The following SGCD variants were observed in gnomAD, a reference collection of about 807,000 sequenced individuals.
SGCD encodes the protein sarcoglycan delta.
A neutral mutation model predicts 36.6 loss-of-function variants in SGCD; 18 were observed. That is an observed-to-expected ratio of 0.49 (90% CI 0.34 to 0.73). The LOEUF (loss-of-function observed/expected upper bound fraction) is 0.73, where lower values mean the gene tolerates loss of function less well. Ranked by LOEUF, SGCD falls within the 30% of genes least tolerant of loss-of-function variation. SGCD has a pLI of 0.01. For missense variants in SGCD, 387 were observed against 346.7 expected (o/e 1.12, Z -0.92); for synonymous variants, 133 against 130.6 (o/e 1.02, Z -0.12).
intron 1 of SGCD, among the ~76,000 whole-genome samples, chr5:156,044,626 T>C (rs75778329): frequency 1.3e-3 from 198 of 152,264 alleles, no homozygotes; most frequent in African/African-American, 4.5e-3. Flanking sequence ...ACAGTGGAAA[T>C]TGGTGTAAGG....
chr5:156,529,730 A>G (rs1047562648), intron 4 of SGCD, among the ~76,000 whole-genome samples: 1 of 152,190 alleles, frequency 6.6e-6, no homozygotes, highest in Non-Finnish European at 1.5e-5. Context: ...CTTTTTTGCC[A>G]TATGAAATTA....
At chr5:156,486,121 C>T (rs190871783) in intron 3 of SGCD, among the ~76,000 whole-genome samples, 1 of 152,096 alleles carries the variant, frequency 6.6e-6, no homozygotes, top group Admixed American at 6.5e-5. Context: ...TATATCCTGC[C>T]CTGAGGCCCA....
intron 1 of SGCD, among the ~76,000 whole-genome samples, chr5:155,948,820 T>G (rs1757496936): frequency 6.6e-6 from 1 of 152,230 alleles, no homozygotes; most frequent in Admixed American, 6.5e-5. Context: ...GTATGGGGTC[T>G]TATTCCCTAT....
chr5:156,545,871 TA>T (rs1218867862), intron 4 of SGCD, among the ~76,000 whole-genome samples: 1 of 152,140 alleles, frequency 6.6e-6, no homozygotes, highest in East Asian at 1.9e-4. Context: ...GGACACAAAA[TA>T]AATGGAGTAG....
chr5:156,083,307 TC>T (rs1483186216), intron 1 of SGCD, among the ~76,000 whole-genome samples: 2 of 151,918 alleles, frequency 1.3e-5, no homozygotes, highest in Non-Finnish European at 1.5e-5. Flanking sequence ...TTTTTTTTTT[TC>T]TTTTTTTTGG....
intron 3 of SGCD, among the ~76,000 whole-genome samples, chr5:156,124,333 T>C (rs1223261958): frequency 6.6e-6 from 1 of 151,988 alleles, no homozygotes; most frequent in African/African-American, 2.4e-5. Flanking sequence ...GAAATGGGGG[T>C]AGATACTTAT....
At chr5:156,653,182 T>G (rs1370240778) in intron 7 of SGCD, among the ~76,000 whole-genome samples, 2 of 152,124 alleles carry the variant, frequency 1.3e-5, no homozygotes, top group African/African-American at 2.4e-5. Context: ...ACAGCTCTTC[T>G]TTGTACATCT....
chr5:156,622,435 A>AAATAATAAT (rs56979795), intron 6 of SGCD, among the ~76,000 whole-genome samples: 3,674 of 137,040 alleles, frequency 0.027, 53 homozygotes, highest in Non-Finnish European at 0.03. Context: ...TCTGTCTAAA[A>AAATAATAAT]AATAATAATA....
intron 1 of SGCD, among the ~76,000 whole-genome samples, chr5:155,931,282 TG>T (rs1757092992): frequency 6.6e-6 from 1 of 152,142 alleles, no homozygotes; most frequent in African/African-American, 2.4e-5. Context: ...TGAGTTCCAT[TG>T]GGGGTTATAA....
intron 3 of SGCD, among the ~76,000 whole-genome samples, chr5:156,124,637 C>A (rs1432770181): frequency 6.6e-6 from 1 of 151,984 alleles, no homozygotes; most frequent in Admixed American, 6.6e-5. Context: ...TATACACATA[C>A]AAAAACATGT....
intron 1 of SGCD, among the ~76,000 whole-genome samples, chr5:156,079,273 C>G (rs1760883755): frequency 6.6e-6 from 1 of 152,114 alleles, no homozygotes; most frequent in African/African-American, 2.4e-5. Context: ...CAAATCCCTC[C>G]CACCAGGCCC....
At chr5:156,081,581 A>G (rs1199191612) in intron 1 of SGCD, among the ~76,000 whole-genome samples, 1 of 152,028 alleles carries the variant, frequency 6.6e-6, no homozygotes, top group Non-Finnish European at 1.5e-5. Flanking sequence ...TTTACATTAA[A>G]CACCAAGTCT....
chr5:156,750,358 T>C (rs1443568262), intron 7 of SGCD, among the ~76,000 whole-genome samples: 1 of 152,116 alleles, frequency 6.6e-6, no homozygotes, highest in East Asian at 1.9e-4. Flanking sequence ...TGTATGGTTC[T>C]AGACAGTATA....
intron 2 of SGCD, among the ~76,000 whole-genome samples, chr5:156,336,275 T>C (rs1464560341): frequency 1.3e-5 from 2 of 152,208 alleles, no homozygotes; most frequent in Non-Finnish European, 2.9e-5. Flanking sequence ...TCTTGCTTCT[T>C]TGTGTTTCGT....
chr5:156,394,324 A>G (rs1050019731), intron 3 of SGCD, among the ~76,000 whole-genome samples: 9 of 152,238 alleles, frequency 5.9e-5, no homozygotes, highest in African/African-American at 2.2e-4. Flanking sequence ...TGATCTCTTC[A>G]GTACTTTGAA....
intron 1 of SGCD, among the ~76,000 whole-genome samples, chr5:156,052,888 C>T (rs1275676642): frequency 6.8e-6 from 1 of 146,148 alleles, no homozygotes; most frequent in Non-Finnish European, 1.5e-5. Context: ...GGGTTTTGCC[C>T]AGAGACTCAA....
At chr5:156,511,167 T>C (rs1756908324) in intron 4 of SGCD, among the ~76,000 whole-genome samples, 1 of 152,338 alleles carries the variant, frequency 6.6e-6, no homozygotes, top group East Asian at 1.9e-4. Flanking sequence ...ATAACTTTTT[T>C]TCAAAAATAG....
At chr5:156,719,401 T>TAC (rs372239782) in intron 7 of SGCD, among the ~76,000 whole-genome samples, 3,931 of 151,050 alleles carry the variant, frequency 0.026, 164 homozygotes, top group African/African-American at 0.091. Context: ...GATGTATATA[T>TAC]ACACACACAC....
At chr5:156,168,549 G>A (rs535599093) in intron 3 of SGCD, among the ~76,000 whole-genome samples, 4 of 152,258 alleles carry the variant, frequency 2.6e-5, no homozygotes, top group South Asian at 2.1e-4. Flanking sequence ...CACTCCAGCC[G>A]AAGTAATGCC....
Sources: allele counts gnomAD v4.1 joint callset (sites outside exome capture counted in the v4.1 genomes callset), GRCh38; gene constraint gnomAD v4.1.1; transcripts MANE v1.5; gene names NCBI Gene and HGNC (gene_info 2026-07-23, HGNC 2026-07-21).